Variants in TSPEAR observed in about 807,000 individuals in gnomAD.
TSPEAR encodes thrombospondin-type laminin G domain and EAR repeat-containing protein.
In TSPEAR, 69 loss-of-function variants were observed where a neutral mutation model predicts 71.6. The ratio of observed to expected loss-of-function variants is 0.96; its 90% CI spans 0.79 to 1.18. TSPEAR has a LOEUF of 1.18. TSPEAR is among the 50% of genes most tolerant of loss of function. The pLI is 0.00. For synonymous variants in TSPEAR, 402 were observed against 387.2 expected (o/e 1.04, Z -0.45); for missense variants, 971 against 894.9 (o/e 1.09, Z -1.09).
Position 44,569,198 on chromosome 21 carries a change from G to A in TSPEAR, c.83-1193C>T, listed in dbSNP as rs587632171. 8.1e-4 allele frequency among the ~76,000 whole-genome samples: 124 copies of A among 152,326 alleles called. 1 individual carries two copies. The Middle Eastern group carries it at 0.014, about 17-fold the overall frequency. ...GAGTGTGAGCACCTGGGATGGAGCA[G>A]TTCTGCAGAAGAGCCTACCCTGGAA... is the stretch of plus-strand genomic sequence containing the variant. On this transcript the variant is annotated intron_variant, in intron 1 of 11. Coordinates refer to ENST00000323084, the MANE Select transcript of TSPEAR (RefSeq NM_144991.3).
At chr21:44,541,771 C>T (rs1015151541) in intron 2 of TSPEAR, among the ~76,000 whole-genome samples, 2 of 152,168 alleles carry the variant, frequency 1.3e-5, no homozygotes, top group Non-Finnish European at 2.9e-5. Context: ...AAGGAAAAAC[C>T]AGAAAGAATG....
At chr21:44,502,287 G>C (rs2052047505) in intron 11 of TSPEAR, among the ~76,000 whole-genome samples, 1 of 152,196 alleles carries the variant, frequency 6.6e-6, no homozygotes, top group African/African-American at 2.4e-5. Context: ...ATCCAAGATT[G>C]TTCTGGAATC....
rs189228157 is a variant in TSPEAR, at chr21:44,540,234, G to A, written c.304-6311C>T. On this transcript the variant is annotated intron_variant, in intron 2 of 11. Transcript: ENST00000323084. ...TGTGTGTGTGAGTGACTGAGTGTGT[G>A]AGTGAGTGTGTGAGCTTCGTGGGGC... 8.6e-3 allele frequency: 13,491 copies of A among 1,563,026 alleles called. 93 individuals carry two copies. The highest frequency in any genetic ancestry group is 0.02 in the South Asian group (1,616 of 81,994).
At position 44,533,853 on chromosome 21, in the gene TSPEAR, G is replaced by C; in HGVS notation, c.374C>G (p.Pro125Arg). The change falls in exon 3 of 12, where the codon CCT becomes CGT. Residue 125 changes from proline to arginine, a missense_variant. Pro to Arg is a moderately radical substitution (Grantham distance 103, BLOSUM62 -2). Coordinates refer to ENST00000323084, the MANE Select transcript of TSPEAR (RefSeq NM_144991.3). ...DLLLLGLRLS[P>R]AQLHFLFLRE... ...AAGGAACAGGAAGTGCAGCTGGGCA[G>C]GTGACAACCGCAGGCCGAGCAGCAG... 1 of 1,612,548 alleles carries C rather than the reference G, an allele frequency of 6.2e-7. No individual in the cohort carries two copies. The highest frequency in any genetic ancestry group is 8.5e-7 in the Non-Finnish European group (1 of 1,179,918).
At chr21:44,639,700 C>A (rs587744404) in intron 1 of TSPEAR, among the ~76,000 whole-genome samples, 8 of 152,344 alleles carry the variant, frequency 5.3e-5, no homozygotes, top group African/African-American at 1.9e-4. Context: ...CCCACACATG[C>A]ATGTCTGAGC....
intron 1 of TSPEAR, among the ~76,000 whole-genome samples, chr21:44,600,166 T>C (rs377573): frequency 0.082 from 12,472 of 152,108 alleles, 628 homozygotes; most frequent in East Asian, 0.2. Context: ...TGACAGGGGC[T>C]TCTCTAGCCT....
At chr21:44,708,896 G>A (rs1160864323) in intron 1 of TSPEAR, among the ~76,000 whole-genome samples, 2 of 152,242 alleles carry the variant, frequency 1.3e-5, no homozygotes, top group Non-Finnish European at 2.9e-5. Flanking sequence ...GGCCTTTCCT[G>A]GCGTGGATGC....
At chr21:44,697,555 G>A in intron 1 of TSPEAR, 1 of 1,611,682 alleles carries the variant, frequency 6.2e-7, no homozygotes, top group Non-Finnish European at 8.5e-7. Context: ...GCAAGCCTGT[G>A]TGCTGTATGC....
At position 44,558,843 on chromosome 21, in the gene TSPEAR, T is replaced by G. The variant is rs1426716826; in HGVS notation, c.303+8942A>C. Reference sequence around the variant, plus strand: ...AACCTTTATACCCCTCTGTGTTGATTGTGCTGCCCCTGCCTGGCTTCGAGA... The same window carrying G: ...AACCTTTATACCCCTCTGTGTTGATGGTGCTGCCCCTGCCTGGCTTCGAGA... On this transcript the variant is annotated intron_variant, in intron 2 of 11. Coordinates refer to ENST00000323084, the MANE Select transcript of TSPEAR (RefSeq NM_144991.3). 9.5e-6 allele frequency: 12 copies of G among 1,265,298 alleles called. No homozygotes were observed. The African/African-American group carries it at 1.2e-4, about 13-fold the overall frequency. 78.4% of individuals were successfully genotyped at this position (1,265,298 alleles called of 1,614,324 possible). A position where few individuals can be genotyped will look rare whatever the true frequency, so the allele number is the denominator to read the frequency against.
At position 44,616,946 on chromosome 21, in the gene TSPEAR, G is replaced by A. The variant is rs587599596; in HGVS notation, c.83-48941C>T. 8.5e-5 allele frequency among the ~76,000 whole-genome samples: 13 copies of A among 152,312 alleles called. No homozygotes were observed. The East Asian group carries it at 1.7e-3, about 20-fold the overall frequency. On this transcript the variant is annotated intron_variant, in intron 1 of 11. Coordinates refer to ENST00000323084, the MANE Select transcript of TSPEAR (RefSeq NM_144991.3). ...GGCTAAAAGTTCCTGGGAGGAACAC[G>A]TGCCACAGCCTAGACACCCACCAGG...
chr21:44,647,025 C>A (rs587675951), intron 1 of TSPEAR: 1 of 1,608,168 alleles, frequency 6.2e-7, no homozygotes, highest in African/African-American at 1.4e-5. Flanking sequence ...AGGCCTGCTG[C>A]GTGCCTGTCT....
At chr21:44,637,047 T>A (rs1983618651) in intron 1 of TSPEAR, among the ~76,000 whole-genome samples, 1 of 152,126 alleles carries the variant, frequency 6.6e-6, no homozygotes, top group South Asian at 2.1e-4. Flanking sequence ...TCCCCCAGGC[T>A]GAGGGCCCAC....
intron 11 of TSPEAR, among the ~76,000 whole-genome samples, chr21:44,500,233 G>A (rs779461147): frequency 6.6e-6 from 1 of 152,224 alleles, no homozygotes; most frequent in Non-Finnish European, 1.5e-5. Context: ...GTGCAGTTCC[G>A]AGGGTCGGCC....
chr21:44,653,444 A>T (rs1177509157), intron 1 of TSPEAR, among the ~76,000 whole-genome samples: 1 of 152,184 alleles, frequency 6.6e-6, no homozygotes, highest in African/African-American at 2.4e-5. Context: ...AATCTCTGAC[A>T]GAGCTGCCCC....
chr21:44,708,584 A>G (rs1382675510), intron 1 of TSPEAR, among the ~76,000 whole-genome samples: 1 of 152,154 alleles, frequency 6.6e-6, no homozygotes, highest in African/African-American at 2.4e-5. Context: ...CTGCGCCATC[A>G]TTTATTTCCT....
rs1555911924 is a variant in TSPEAR, at chr21:44,506,330, T to C, written c.1755-1449A>G. The stretch of plus-strand genomic sequence containing the variant: ...ACATCTCAAGATGAGGAAATGGAGG[T>C]CGAAGCCATGCACACGCAGGCGTCC... On this transcript the variant is annotated intron_variant, in intron 10 of 11. Transcript: ENST00000323084. This position sits in a 1 kb window ranked among gnomAD's most constrained non-coding sequence, Gnocchi z 4.2. Among the ~76,000 whole-genome samples the C allele has an allele frequency of 1.3e-5, 2 of 152,074 alleles. No individual in the cohort carries two copies. The highest frequency in any genetic ancestry group is 3.4e-3 in the Middle Eastern group (1 of 294).
At position 44,628,288 on chromosome 21, in the gene TSPEAR, G is replaced by A. The variant is rs1555935044; in HGVS notation, c.83-60283C>T. The A allele has an allele frequency of 1.3e-5, 5 of 391,386 alleles. 1 individual carries two copies. The highest frequency in any genetic ancestry group is 3.5e-5 in the East Asian group (1 of 28,708). The allele number at this position is 391,386 out of a possible 1,614,324, so 24.2% of individuals were successfully genotyped here. A position where few individuals can be genotyped will look rare whatever the true frequency, so the allele number is the denominator to read the frequency against. On this transcript the variant is annotated intron_variant, in intron 1 of 11. Coordinates refer to ENST00000323084, the MANE Select transcript of TSPEAR (RefSeq NM_144991.3). ...TGCAGACCACAACCCTCCGCTGGTC[G>A]CTGGTTGGGGACGGGCCCTCCTGAC...
intron 1 of TSPEAR, among the ~76,000 whole-genome samples, chr21:44,615,676 G>T (rs1342583740): frequency 1.3e-5 from 2 of 151,396 alleles, no homozygotes; most frequent in East Asian, 1.9e-4. Context: ...GCTTTCTCCC[G>T]CCTGCCCACA....
intron 2 of TSPEAR, among the ~76,000 whole-genome samples, chr21:44,564,760 T>A (rs782484355): frequency 1.3e-4 from 20 of 152,084 alleles, no homozygotes; most frequent in African/African-American, 4.6e-4. Context: ...AAAGGAAAAC[T>A]TGAATACAAT....
Sources: gnomAD v4.1 joint callset for allele counts (sites outside exome capture counted in the v4.1 genomes callset) on GRCh38, gnomAD v4.1.1 for gene constraint, Gnocchi (gnomAD v3.1) non-coding constraint, MANE v1.5 for transcripts, NCBI Gene and HGNC (gene_info 2026-07-23, HGNC 2026-07-21) for gene names.